ING5: variants seen among roughly 807,000 people sequenced by gnomAD.
The protein encoded by ING5 is inhibitor of growth protein 5.
ING5 carries 17 observed loss-of-function variants against 37.4 expected under a neutral mutation model. The ratio of observed to expected loss-of-function variants is 0.45; its 90% CI spans 0.31 to 0.68. The LOEUF is 0.68. Ranked by LOEUF, ING5 falls within the 30% of genes least tolerant of loss-of-function variation. The pLI is 0.05. For missense variants in ING5, 233 were observed against 311.9 expected (o/e 0.75, Z 1.91); for synonymous variants, 123 against 116.6 (o/e 1.06, Z -0.36).
upstream of ING5, chr2:241,701,963 AGC>A (rs946464203): frequency 5.2e-5 from 39 of 748,832 alleles, no homozygotes; most frequent in African/African-American, 7.5e-5. Flanking sequence ...GCGACCAATC[AGC>A]GCGCGCGACT....
rs775630599 is a variant in ING5 at position 241,723,746 on chromosome 2, T to C, written c.680+475T>C. Reference sequence around the variant, plus strand: ...GGGTGTGTTTTCTCTACCTGACCCTTGCATCCCCTTGGCAATGGCAACTTT... The same window carrying C: ...GGGTGTGTTTTCTCTACCTGACCCTCGCATCCCCTTGGCAATGGCAACTTT... On this transcript the variant is annotated intron_variant, in intron 7 of 7. Coordinates refer to ENST00000313552, the MANE Select transcript of ING5 (RefSeq NM_032329.6). 1.7e-5 allele frequency: 27 copies of C among 1,597,770 alleles called. No individual in the cohort carries two copies. The Admixed American group carries it at 2.0e-4, about 12-fold the overall frequency.
intron 5 of ING5, among the ~76,000 whole-genome samples, chr2:241,717,337 G>A (rs939771991): frequency 8.6e-5 from 13 of 152,042 alleles, no homozygotes; most frequent in African/African-American, 3.1e-4. Flanking sequence ...TCCCAAAGTG[G>A]CAGGATGACA....
chr2:241,711,651 AGCACTTTGGGAG>A, intron 4 of ING5, 163 bp downstream of exon 4: 1 of 619,622 alleles, frequency 1.6e-6, no homozygotes, highest in South Asian at 2.2e-5. Context: ...CTGTAACCCC[AGCACTTTGGGAG>A]GCTGAGGCAG....
chr2:241,703,942 G>A (rs1457036252), intron 1 of ING5, among the ~76,000 whole-genome samples: 1 of 152,130 alleles, frequency 6.6e-6, no homozygotes, highest in Admixed American at 6.6e-5. Flanking sequence ...ATAAAGTCGC[G>A]TGGGCAGCGT....
intron 5 of ING5, chr2:241,722,050 G>A (rs2070448532): frequency 1.0e-6 from 1 of 985,450 alleles, no homozygotes; most frequent in Non-Finnish European, 1.2e-6. Flanking sequence ...CAGGGAGTGT[G>A]TGGGGAGCTG....
intron 1 of ING5, among the ~76,000 whole-genome samples, chr2:241,703,967 A>G (rs1025799139): frequency 6.6e-6 from 1 of 152,108 alleles, no homozygotes; most frequent in Non-Finnish European, 1.5e-5. Context: ...ACACTGCTCA[A>G]TGCACTGGAT....
intron 1 of ING5, among the ~76,000 whole-genome samples, chr2:241,702,763 T>C (rs1041587181): frequency 1.3e-5 from 2 of 152,220 alleles, no homozygotes; most frequent in Admixed American, 6.5e-5. Flanking sequence ...TCCCTCACTT[T>C]ACACACCAGG....
chr2:241,723,843 C>G, intron 7 of ING5: 1 of 1,567,832 alleles, frequency 6.4e-7, no homozygotes, highest in Non-Finnish European at 8.7e-7. Context: ...GACCCCAACT[C>G]TACAAAAAAT....
intron 4 of ING5, 97 bp downstream of exon 4, chr2:241,711,585 G>T: frequency 1.1e-6 from 1 of 911,104 alleles, no homozygotes; most frequent in Non-Finnish European, 1.7e-6. Flanking sequence ...GATCACTAGG[G>T]TAAGTATCAT....
chr2:241,706,983 G>T (rs1226097278), intron 2 of ING5, among the ~76,000 whole-genome samples: 2 of 141,394 alleles, frequency 1.4e-5, no homozygotes, highest in African/African-American at 5.2e-5. Context: ...TTTTGAGATG[G>T]AGTTTCACTC....
At position 241,726,587 on chromosome 2, in the gene ING5, G is replaced by C. The variant is rs573821164; in HGVS notation, c.*1556G>C. 6.6e-6 allele frequency: 1 copy of C among 152,468 alleles called. No individual in the cohort carries two copies. The highest frequency in any genetic ancestry group is 2.4e-5 in the African/African-American group (1 of 41,438). 9.4% of individuals were successfully genotyped at this position (152,468 alleles called of 1,614,324 possible). A position where few individuals can be genotyped will look rare whatever the true frequency, so the allele number is the denominator to read the frequency against. On this transcript the variant is annotated 3_prime_UTR_variant, in exon 8 of 8. Coordinates refer to ENST00000313552, the MANE Select transcript of ING5 (RefSeq NM_032329.6). ...TGTCCTTTTCCGAGGGTGTGGGTGG[G>C]AGTGGATCCTCCGGGCGCAGGTGCC...
chr2:241,707,260 G>A (rs2069948624), intron 2 of ING5, among the ~76,000 whole-genome samples: 1 of 151,052 alleles, frequency 6.6e-6, no homozygotes, highest in Admixed American at 6.6e-5. Flanking sequence ...TGCCTGGCCT[G>A]AGATTTTTTA....
intron 3 of ING5, 25 bp from the exon 4 acceptor site, chr2:241,711,351 AT>A: frequency 6.9e-7 from 1 of 1,457,696 alleles, no homozygotes; most frequent in Admixed American, 2.6e-5. Flanking sequence ...TTACTTTAAA[AT>A]AAGACTTTGG....
rs765306130 is a variant in ING5 at position 241,704,699 on chromosome 2, G to A, written c.84G>A (p.Met28Ile). Residue 28 changes from methionine (M) to isoleucine (I), a missense_variant, in exon 2 of 8, where the codon ATG (methionine) becomes ATA (isoleucine). Met to Ile is a conservative substitution (Grantham distance 10, BLOSUM62 1). Transcript: ENST00000313552. ...PCELQRNFQL[M>I]RELDQRTEDK... ...AACTTCAGAGGAACTTCCAGCTGAT[G>A]CGAGAGCTGGACCAGAGGACGGAAG... 1.2e-6 allele frequency: 2 copies of A among 1,614,160 alleles called. No homozygotes were observed. The highest frequency in any genetic ancestry group is 1.7e-6 in the Non-Finnish European group (2 of 1,179,982).
Position 241,720,217 on chromosome 2 carries a change from C to T in ING5, c.483-2722C>T, listed in dbSNP as rs530603448. On this transcript the variant is annotated intron_variant, in intron 5 of 7. Coordinates refer to ENST00000313552, the MANE Select transcript of ING5 (RefSeq NM_032329.6). ...ATCATCCTGGGTGTGTGCAGGAGCC[C>T]GCCTGCCCCTGGGCTCTGGAGTTCT... 9 of 1,231,826 alleles carry T rather than the reference C, an allele frequency of 7.3e-6. No individual in the cohort carries two copies. The East Asian group carries it at 9.5e-5, about 13-fold the overall frequency. The allele number at this position is 1,231,826 out of a possible 1,614,324, so 76.3% of individuals were successfully genotyped here.
chr2:241,712,256 G>T (rs1678475247), intron 5 of ING5, 185 bp downstream of exon 5: 3 of 553,366 alleles, frequency 5.4e-6, no homozygotes, highest in Non-Finnish European at 9.7e-6. Context: ...GGGTGCCGTT[G>T]TCAGGGGCAT....
intron 2 of ING5, among the ~76,000 whole-genome samples, chr2:241,706,812 T>C (rs929151114): frequency 1.3e-5 from 2 of 152,128 alleles, no homozygotes; most frequent in Non-Finnish European, 2.9e-5. Flanking sequence ...TCCACGTTGC[T>C]GCAGAAAATC....
At chr2:241,704,305 CACCTGTAATCCCAGCACT>C (rs1432615633) in intron 1 of ING5, among the ~76,000 whole-genome samples, 2 of 152,154 alleles carry the variant, frequency 1.3e-5, no homozygotes, top group Non-Finnish European at 2.9e-5. Flanking sequence ...TGGTGGCTCA[CACCTGTAATCCCAGCACT>C]TTGAGAGGCC....
chr2:241,707,550 C>T (rs2069960720), intron 2 of ING5, among the ~76,000 whole-genome samples: 1 of 152,276 alleles, frequency 6.6e-6, no homozygotes, highest in Non-Finnish European at 1.5e-5. Context: ...GCCTTGGCCT[C>T]CCAAAGTGCT....
Sources: gnomAD v4.1 joint callset for allele counts (sites outside exome capture counted in the v4.1 genomes callset) on GRCh38, gnomAD v4.1.1 for gene constraint, MANE v1.5 for transcripts, NCBI Gene and HGNC (gene_info 2026-07-23, HGNC 2026-07-21) for gene names.